LGR5: variants seen among roughly 807,000 people sequenced by gnomAD.
The protein encoded by LGR5 is leucine rich repeat containing G protein-coupled receptor 5.
LGR5 carries 54 observed loss-of-function variants against 76.7 expected under a neutral mutation model. The observed-to-expected ratio is 0.70, with a 90% CI of 0.57 to 0.88. The LOEUF (loss-of-function observed/expected upper bound fraction) is 0.88, where lower values mean the gene tolerates loss of function less well. Among genes scored for constraint, LGR5 ranks in the 40% least tolerant of loss-of-function variants. The probability of loss-of-function intolerance (pLI) is 0.00; values close to 1 mark genes in which losing one functional copy is unlikely to be tolerated. For missense variants in LGR5, 1,078 were observed against 1,073.3 expected, an observed-to-expected ratio of 1.00 and a Z score of -0.06; for synonymous variants, 406 against 421.9, an observed-to-expected ratio of 0.96 and a Z score of 0.46.
intron 3 of LGR5, among the ~76,000 whole-genome samples, chr12:71,525,465 T>C (rs1055937799): frequency 2.6e-5 from 4 of 151,706 alleles, no homozygotes; most frequent in African/African-American, 9.7e-5. Flanking sequence ...CAAATCCTAA[T>C]AGTAATTCCT....
chr12:71,442,996 T>C (rs1871832842), intron 1 of LGR5, among the ~76,000 whole-genome samples: 1 of 152,236 alleles, frequency 6.6e-6, no homozygotes, highest in South Asian at 2.1e-4. Flanking sequence ...AAAGTTGCAG[T>C]GTACCAAGAC....
In LGR5 at chr12:71,567,264, G is replaced by A; in HGVS notation, c.1070+352G>A. ...ACATAATGGATCAACCACCCAATAT[G>A]GATGCCAAAATCAAAAACTGAGATC... is the stretch of plus-strand genomic sequence containing the variant. On this transcript the variant is annotated intron_variant, in intron 11 of 17. Coordinates refer to ENST00000266674, the MANE Select transcript of LGR5 (RefSeq NM_003667.4). 4 of 244,684 alleles carry A rather than the reference G, an allele frequency of 1.6e-5. No individual in the cohort carries two copies. In the South Asian group the frequency reaches 1.9e-4, roughly 11 times the overall value. The allele number at this position is 244,684 out of a possible 1,614,324, so 15.2% of individuals were successfully genotyped here.
At chr12:71,494,378 G>T (rs555520873) in intron 1 of LGR5, among the ~76,000 whole-genome samples, 1 of 150,644 alleles carries the variant, frequency 6.6e-6, no homozygotes, top group Non-Finnish European at 1.5e-5. Context: ...GAACCACTGC[G>T]CCTGGCTTGA....
At position 71,584,301 on chromosome 12, in the gene LGR5, T is replaced by C. The variant is rs1879226500; in HGVS notation, c.2291T>C (p.Met764Thr). 1.2e-6 allele frequency: 2 copies of C among 1,614,098 alleles called. No homozygotes were observed. Among genetic ancestry groups the C allele is most frequent in the Admixed American group, 1.7e-5 (1 of 60,010 alleles). The change falls in exon 18 of 18, where the codon ATG becomes ACG. Residue 764 changes from methionine (M) to threonine (T), a missense_variant. Coordinates refer to ENST00000266674, the MANE Select transcript of LGR5 (RefSeq NM_003667.4). ...GDLENIWDCS[M>T]VKHIALLLFT... ...CTGGAGAATATTTGGGACTGCTCTA[T>C]GGTAAAACACATTGCCCTGTTGCTC...
intron 11 of LGR5, among the ~76,000 whole-genome samples, chr12:71,570,367 A>G (rs1416149455): frequency 6.6e-6 from 1 of 152,106 alleles, no homozygotes; most frequent in Non-Finnish European, 1.5e-5. Flanking sequence ...CCTGAAAATC[A>G]TTAGGTAGAA....
intron 2 of LGR5, among the ~76,000 whole-genome samples, chr12:71,516,020 C>A (rs1565711435): frequency 6.6e-6 from 1 of 152,140 alleles, no homozygotes; most frequent in Non-Finnish European, 1.5e-5. Flanking sequence ...CCTGACCTAT[C>A]TCTATGATAT....
chr12:71,470,925 G>A (rs146009978), intron 1 of LGR5, among the ~76,000 whole-genome samples: 2 of 152,282 alleles, frequency 1.3e-5, no homozygotes, highest in Non-Finnish European at 2.9e-5. Context: ...CTTGTCTGAA[G>A]TATGCTCCCC....
Position 71,552,184 on chromosome 12 carries a change from T to C in LGR5, c.429-889T>C, listed in dbSNP as rs978243367. On this transcript the variant is annotated intron_variant, in intron 4 of 17. Transcript: ENST00000266674. The stretch of plus-strand genomic sequence containing the variant: ...TGTTGATAGGTGCAACAAACCACCA[T>C]GGCACATGTATACCTATGTAACAAA... Among the ~76,000 whole-genome samples, 7 of 152,234 alleles carry C rather than the reference T, an allele frequency of 4.6e-5. No individual in the cohort carries two copies. In the South Asian group the frequency reaches 1.0e-3, roughly 23 times the overall value.
chr12:71,458,067 GAGA>G (rs1872555937), intron 1 of LGR5, among the ~76,000 whole-genome samples: 1 of 152,008 alleles, frequency 6.6e-6, no homozygotes, highest in South Asian at 2.1e-4. Flanking sequence ...GTCATTAGAT[GAGA>G]AGGAAAGATT....
chr12:71,442,586 C>G (rs758406375), intron 1 of LGR5, among the ~76,000 whole-genome samples: 6 of 152,104 alleles, frequency 3.9e-5, no homozygotes, highest in Non-Finnish European at 8.8e-5. Context: ...AGAAGTCAGT[C>G]CTGAAGTAAA....
intron 4 of LGR5, among the ~76,000 whole-genome samples, chr12:71,544,314 T>C (rs1473402025): frequency 1.2e-5 from 1 of 84,978 alleles, no homozygotes; most frequent in Admixed American, 1.3e-4. Context: ...TTTCTTCTTC[T>C]TCTTTTTTTT....
At chr12:71,567,044 C>A in intron 11 of LGR5, 132 bp downstream of exon 11, 1 of 704,154 alleles carries the variant, frequency 1.4e-6, no homozygotes, top group Non-Finnish European at 2.6e-6. Flanking sequence ...GGAGGTCAAG[C>A]CTCCTTTGCC....
intron 8 of LGR5, among the ~76,000 whole-genome samples, chr12:71,563,197 T>A (rs1878147532): frequency 6.6e-6 from 1 of 152,136 alleles, no homozygotes; most frequent in Non-Finnish European, 1.5e-5. Flanking sequence ...CCATAAACTC[T>A]CCTCTCCTTG....
intron 7 of LGR5, among the ~76,000 whole-genome samples, chr12:71,560,746 T>C (rs1878017283): frequency 6.6e-6 from 1 of 152,280 alleles, no homozygotes; most frequent in South Asian, 2.1e-4. Flanking sequence ...TGAGCCGAGA[T>C]TGCACCACTG....
intron 2 of LGR5, among the ~76,000 whole-genome samples, chr12:71,517,231 G>T (rs1451677219): frequency 6.6e-6 from 1 of 152,208 alleles, no homozygotes; most frequent in Non-Finnish European, 1.5e-5. Context: ...AAAGGGGAAT[G>T]ATTTCCTTAA....
At chr12:71,442,222 G>A (rs894791919) in intron 1 of LGR5, among the ~76,000 whole-genome samples, 2 of 152,164 alleles carry the variant, frequency 1.3e-5, no homozygotes, top group Non-Finnish European at 2.9e-5. Context: ...GTTACTAAAA[G>A]TTGGCATAAA....
chr12:71,512,211 G>A (rs564086796), intron 2 of LGR5, among the ~76,000 whole-genome samples: 3 of 152,168 alleles, frequency 2.0e-5, no homozygotes, highest in East Asian at 3.9e-4. Context: ...GGCTGGTCTC[G>A]AACTCCTGAT....
At chr12:71,548,301 C>CTGTGTGTGTGTGTG (rs10629001) in intron 4 of LGR5, among the ~76,000 whole-genome samples, 7,569 of 104,034 alleles carry the variant, frequency 0.073, 188 homozygotes, top group Non-Finnish European at 0.1. Flanking sequence ...CCTTGTTGCA[C>CTGTGTGTGTGTGTG]TGTGTGTGTG....
intron 3 of LGR5, among the ~76,000 whole-genome samples, chr12:71,524,941 G>A (rs966367710): frequency 4.6e-5 from 7 of 152,168 alleles, no homozygotes; most frequent in Non-Finnish European, 8.8e-5. Flanking sequence ...GTAAAGCCTA[G>A]TGTAGAGCAG....
Sources: gnomAD v4.1 joint callset for allele counts (sites outside exome capture counted in the v4.1 genomes callset) on GRCh38, gnomAD v4.1.1 for gene constraint, MANE v1.5 for transcripts, NCBI Gene and HGNC (gene_info 2026-07-23, HGNC 2026-07-21) for gene names.